The following CTPS2 variants were observed in gnomAD, a reference collection of about 807,000 sequenced individuals.
CTPS2 encodes CTP synthase 2.
A neutral mutation model predicts 46.8 loss-of-function variants in CTPS2; 19 were observed. The observed-to-expected ratio is 0.41, with a 90% CI of 0.28 to 0.60. The LOEUF (loss-of-function observed/expected upper bound fraction) is 0.60, where lower values mean the gene tolerates loss of function less well. Ranked by LOEUF, CTPS2 falls within the 20% of genes least tolerant of loss-of-function variation. The pLI, the probability that CTPS2 is intolerant of heterozygous loss-of-function variation, is 0.35. For missense variants in CTPS2, 286 were observed against 447.6 expected, an observed-to-expected ratio of 0.64 and a Z score of 3.26; for synonymous variants, 151 against 165.2, an observed-to-expected ratio of 0.91 and a Z score of 0.66.
chrX:16,701,587 G>A (rs1924563120), intron 2 of CTPS2, among the ~76,000 whole-genome samples: 1 of 107,662 alleles, frequency 9.3e-6, no homozygotes, highest in Non-Finnish European at 1.9e-5. Flanking sequence ...AGACAGGATA[G>A]CAACAAGGGA....
intron 15 of CTPS2, among the ~76,000 whole-genome samples, chrX:16,619,991 G>A (rs1371204682): frequency 9.0e-6 from 1 of 111,411 alleles, no homozygotes; most frequent in Non-Finnish European, 1.9e-5. Flanking sequence ...TGATCTAGAA[G>A]ATGGCAGTTA....
At chrX:16,636,137 C>T (rs940968511) in intron 14 of CTPS2, among the ~76,000 whole-genome samples, 3 of 112,034 alleles carry the variant, frequency 2.7e-5, no homozygotes, top group Admixed American at 9.5e-5. Context: ...TGGTGGCTCA[C>T]GCCTGTAATC....
chrX:16,668,937 A>G (rs1921475977), intron 11 of CTPS2, among the ~76,000 whole-genome samples: 1 of 111,459 alleles, frequency 9.0e-6, no homozygotes, highest in Non-Finnish European at 1.9e-5. Context: ...CTAACACCCC[A>G]ACTCAGAGGG....
chrX:16,628,557 G>T (rs1434398028), intron 14 of CTPS2, among the ~76,000 whole-genome samples: 1 of 110,315 alleles, frequency 9.1e-6, no homozygotes, highest in Non-Finnish European at 1.9e-5. Context: ...GTAGAGACGG[G>T]GTTTCTCCAT....
intron 1 of CTPS2, 80 bp from the exon 2 acceptor site, chrX:16,703,021 AATTT>A: frequency 1.8e-6 from 1 of 571,346 alleles, no homozygotes; most frequent in Non-Finnish European, 2.6e-6. Flanking sequence ...AACCAGAATT[AATTT>A]TTTTTTTTTT....
chrX:16,672,881 C>CTTTTTT (rs1185799196), intron 10 of CTPS2, among the ~76,000 whole-genome samples: 28 of 69,577 alleles, frequency 4.0e-4, no homozygotes, highest in African/African-American at 1.6e-3. Flanking sequence ...TGAGGCTACT[C>CTTTTTT]TTTTTTTTTT....
intron 17 of CTPS2, among the ~76,000 whole-genome samples, chrX:16,601,402 T>TC (rs1929650696): frequency 9.0e-6 from 1 of 110,593 alleles, no homozygotes; most frequent in Non-Finnish European, 1.9e-5. Context: ...ACCTAACGAG[T>TC]CCGTGAACAA....
intron 13 of CTPS2, among the ~76,000 whole-genome samples, chrX:16,649,719 C>T (rs1489805489): frequency 8.9e-6 from 1 of 112,048 alleles, no homozygotes; most frequent in Non-Finnish European, 1.9e-5. Context: ...TCAAACTCCT[C>T]ACCTCAAGCA....
At chrX:16,674,698 C>T (rs992488305) in intron 10 of CTPS2, among the ~76,000 whole-genome samples, 22 of 106,328 alleles carry the variant, frequency 2.1e-4, no homozygotes, top group African/African-American at 5.9e-4. Context: ...ATTAGCCGGG[C>T]GTGGTGGCAG....
intron 14 of CTPS2, among the ~76,000 whole-genome samples, chrX:16,623,676 G>A (rs776024014): frequency 2.8e-5 from 3 of 109,064 alleles, no homozygotes; most frequent in Non-Finnish European, 3.8e-5. Flanking sequence ...CACTTAGGTC[G>A]CTTCTAAATC....
intron 16 of CTPS2, among the ~76,000 whole-genome samples, chrX:16,613,215 A>G (rs1276729737): frequency 1.8e-5 from 2 of 112,415 alleles, no homozygotes; most frequent in Non-Finnish European, 3.8e-5. Flanking sequence ...TAGGCTGGAA[A>G]TGCAGGTTCT....
At chrX:16,596,376 G>A (rs1929270754) in intron 17 of CTPS2, among the ~76,000 whole-genome samples, 2 of 94,931 alleles carry the variant, frequency 2.1e-5, no homozygotes, top group African/African-American at 4.0e-5. Flanking sequence ...AGAGTGTGAT[G>A]TTCCCCTTCC....
chrX:16,698,865 T>G (rs1448709769), intron 3 of CTPS2, 58 bp downstream of exon 3: 2 of 1,078,367 alleles, frequency 1.9e-6, no homozygotes, highest in Non-Finnish European at 2.5e-6. Flanking sequence ...GTTCTACTTT[T>G]GAGCAGTACA....
At chrX:16,658,210 CAA>C (rs57586081) in intron 13 of CTPS2, among the ~76,000 whole-genome samples, 3 of 90,426 alleles carry the variant, frequency 3.3e-5, no homozygotes, top group Non-Finnish European at 2.2e-5. Context: ...GACTCTATCT[CAA>C]AAAAAAAAAA....
Position 16,628,354 on chromosome X carries a change from A to G in CTPS2, c.1394-8022T>C, listed in dbSNP as rs191473960. 2.4e-3 allele frequency among the ~76,000 whole-genome samples: 263 copies of G among 110,306 alleles called. 2 individuals are homozygous for G. The highest frequency in any genetic ancestry group is 3.5e-3 in the Non-Finnish European group (184 of 52,819). On this transcript the variant is annotated intron_variant, in intron 14 of 18. Coordinates refer to ENST00000359276, the MANE Select transcript of CTPS2 (RefSeq NM_175859.3). ...TTATAGCATTACATTCTTTTTCATC[A>G]CTTTTTTTGTTCTTTTTGTTTTGTT...
At chrX:16,609,258 A>C (rs1602131638) in intron 17 of CTPS2, among the ~76,000 whole-genome samples, 1 of 111,866 alleles carries the variant, frequency 8.9e-6, no homozygotes, top group Non-Finnish European at 1.9e-5. Context: ...ATAAAAATTC[A>C]TATATATTAA....
intron 1 of CTPS2, among the ~76,000 whole-genome samples, chrX:16,706,191 A>G (rs1223826096): frequency 1.8e-5 from 2 of 111,676 alleles, no homozygotes; most frequent in Non-Finnish European, 1.9e-5. Context: ...TGGGCAGCCA[A>G]TGCAGGCAGA....
chrX:16,614,688 A>C (rs1930434391), intron 16 of CTPS2, among the ~76,000 whole-genome samples: 2 of 111,930 alleles, frequency 1.8e-5, no homozygotes, highest in Admixed American at 1.9e-4. Context: ...AGGAGGGAAG[A>C]GGCCTTGAGC....
intron 1 of CTPS2, among the ~76,000 whole-genome samples, chrX:16,706,807 G>A (rs1356838776): frequency 1.8e-5 from 2 of 110,288 alleles, no homozygotes; most frequent in Non-Finnish European, 3.8e-5. Context: ...GTTGCAGTGA[G>A]CTGAGATCGC....
Sources: allele counts gnomAD v4.1 joint callset (sites outside exome capture counted in the v4.1 genomes callset), GRCh38; gene constraint gnomAD v4.1.1; transcripts MANE v1.5; gene names NCBI Gene and HGNC (gene_info 2026-07-23, HGNC 2026-07-21).